Variants in LEMD3 observed in about 807,000 individuals in gnomAD.
LEMD3 encodes the protein LEM domain containing 3.
LEMD3 carries 33 observed loss-of-function variants against 95.2 expected under a neutral mutation model. That is an observed-to-expected ratio of 0.35 (90% CI 0.26 to 0.46). LEMD3 has a LOEUF of 0.46. Ranked by LOEUF, LEMD3 falls within the 20% of genes least tolerant of loss-of-function variation. The pLI is 1.00. For synonymous variants in LEMD3, 525 were observed against 474.6 expected, an observed-to-expected ratio of 1.11 and a Z score of -1.38; for missense variants, 1,210 against 1,192.8, an observed-to-expected ratio of 1.01 and a Z score of -0.21.
intron 1 of LEMD3, among the ~76,000 whole-genome samples, chr12:65,209,924 CTTAG>C (rs532932088): frequency 5.9e-5 from 9 of 151,968 alleles, no homozygotes; most frequent in Non-Finnish European, 7.4e-5. Flanking sequence ...ATCAGTTAGT[CTTAG>C]TTAGTCTTAG....
In LEMD3 at chr12:65,246,371, T is replaced by C. The variant is rs1041163455; in HGVS notation, c.*46T>C. 1.4e-6 allele frequency: 2 copies of C among 1,475,582 alleles called. No individual in the cohort carries two copies. Among genetic ancestry groups the C allele is most frequent in the Non-Finnish European group, 1.9e-6 (2 of 1,057,204 alleles). The allele number at this position is 1,475,582 out of a possible 1,614,324, so 91.4% of individuals were successfully genotyped here. ...AAGACTGTTATTTACAATAGGAAAA[T>C]TCCTGTTTGGCTTTTTGTCTTCCTT... On this transcript the variant is annotated 3_prime_UTR_variant, in exon 13 of 13. Coordinates refer to ENST00000308330, the MANE Select transcript of LEMD3 (RefSeq NM_014319.5).
chr12:65,203,387 T>A (rs544480789), intron 1 of LEMD3, among the ~76,000 whole-genome samples: 1 of 152,342 alleles, frequency 6.6e-6, no homozygotes, highest in African/African-American at 2.4e-5. Flanking sequence ...TTAAAGTGTC[T>A]CAAGATTTCT....
intron 1 of LEMD3, among the ~76,000 whole-genome samples, chr12:65,196,011 A>G (rs1869419812): frequency 6.6e-6 from 1 of 152,038 alleles, no homozygotes; most frequent in African/African-American, 2.4e-5. Context: ...TTCCTTTGGG[A>G]CAGAGAAAAT....
Position 65,217,321 on chromosome 12 carries a change from G to C in LEMD3, c.1628-1231G>C, listed in dbSNP as rs117925146. On this transcript the variant is annotated intron_variant, in intron 3 of 12. Transcript: ENST00000308330. ...AGTAAAACTTCATTTATAAAAACCA[G>C]AGTAGGCCAGATTTGACCCATGGGC... Among the ~76,000 whole-genome samples the C allele has an allele frequency of 1.9e-3, 292 of 152,296 alleles. 2 individuals are homozygous for C. Among genetic ancestry groups the C allele is most frequent in the Middle Eastern group, 0.014 (4 of 294 alleles).
rs994894114 is a variant in LEMD3 at position 65,247,022 on chromosome 12, G to A, written c.*697G>A. ...AATGTGTGTGTATATATGTATGTGT[G>A]TATGTGTGTGTATATATAGATGTAT... On this transcript the variant is annotated 3_prime_UTR_variant, in exon 13 of 13. Transcript: ENST00000308330. 8 of 152,932 alleles carry A rather than the reference G, an allele frequency of 5.2e-5. No homozygotes were observed. The South Asian group carries it at 1.0e-3, about 20-fold the overall frequency. 9.5% of individuals were successfully genotyped at this position (152,932 alleles called of 1,614,324 possible).
In LEMD3 at chr12:65,191,262, A is replaced by G. The variant is rs143970160; in HGVS notation, c.1523-19664A>G. Among the ~76,000 whole-genome samples the G allele has an allele frequency of 6.4e-4, 98 of 152,236 alleles. 1 individual carries two copies. Among genetic ancestry groups the G allele is most frequent in the Middle Eastern group, 6.8e-3 (2 of 294 alleles). The stretch of plus-strand genomic sequence containing the variant: ...GCAAAAGCTTTCAGGAAAGCATCAG[A>G]GTAAAAATTATCTCTGGATGACAGG... On this transcript the variant is annotated intron_variant, in intron 1 of 12. Transcript: ENST00000308330.
intron 4 of LEMD3, among the ~76,000 whole-genome samples, chr12:65,228,738 G>A (rs1565795940): frequency 6.6e-6 from 1 of 152,030 alleles, no homozygotes; most frequent in African/African-American, 2.4e-5. Flanking sequence ...ATATTTATGG[G>A]GTATAGTGTG....
intron 4 of LEMD3, among the ~76,000 whole-genome samples, chr12:65,220,293 A>T (rs1205987345): frequency 6.6e-6 from 1 of 152,206 alleles, no homozygotes; most frequent in Non-Finnish European, 1.5e-5. Flanking sequence ...ATTTATATAC[A>T]TATACATCTG....
chr12:65,181,311 T>C (rs1420748660), intron 1 of LEMD3, among the ~76,000 whole-genome samples: 2 of 152,184 alleles, frequency 1.3e-5, no homozygotes, highest in Non-Finnish European at 2.9e-5. Flanking sequence ...TACTCATTTA[T>C]TCATTCAGTC....
intron 2 of LEMD3, among the ~76,000 whole-genome samples, chr12:65,212,699 T>C (rs891727940): frequency 2.6e-5 from 4 of 152,142 alleles, no homozygotes; most frequent in Non-Finnish European, 5.9e-5. Flanking sequence ...TAAAACACAA[T>C]TAGAAAGTAG....
At chr12:65,201,998 C>T (rs1327676846) in intron 1 of LEMD3, among the ~76,000 whole-genome samples, 2 of 147,268 alleles carry the variant, frequency 1.4e-5, no homozygotes, top group African/African-American at 2.5e-5. Context: ...TTTTTTGATG[C>T]GTGGGTATTG....
chr12:65,170,849 C>A lies in LEMD3; in HGVS notation c.1253C>A (p.Ala418Asp), dbSNP rs1450624355. 1 of 1,614,238 alleles carries A rather than the reference C, an allele frequency of 6.2e-7. No homozygotes were observed. Among genetic ancestry groups the A allele is most frequent in the Admixed American group, 1.7e-5 (1 of 60,032 alleles). Residue 418 changes from alanine to aspartate, a missense_variant, in exon 1 of 13, where the codon GCC becomes GAC. Ala to Asp is a moderately radical substitution (Grantham distance 126, BLOSUM62 -2). Coordinates refer to ENST00000308330, the MANE Select transcript of LEMD3 (RefSeq NM_014319.5). The part of the protein sequence containing the change: ...NSLPPSAAVA[A>D]SSSLRINHAN... ...CTCCCTCCCAGTGCGGCGGTGGCCG[C>A]CTCTAGTTCACTCAGGATCAATCAC... is the stretch of plus-strand genomic sequence containing the variant.
chr12:65,235,280 A>G (rs535860991), intron 4 of LEMD3, among the ~76,000 whole-genome samples: 1 of 152,248 alleles, frequency 6.6e-6, no homozygotes, highest in East Asian at 1.9e-4. Context: ...TTTATATACA[A>G]AGTGATTTCT....
chr12:65,223,340 G>A (rs1230704945), intron 4 of LEMD3, among the ~76,000 whole-genome samples: 1 of 128,176 alleles, frequency 7.8e-6, no homozygotes, highest in East Asian at 2.3e-4. Flanking sequence ...GTCTAGGCCT[G>A]TCACCCACGC....
At chr12:65,228,187 G>T (rs915859750) in intron 4 of LEMD3, among the ~76,000 whole-genome samples, 1 of 152,058 alleles carries the variant, frequency 6.6e-6, no homozygotes, top group African/African-American at 2.4e-5. Flanking sequence ...AAAAAGAAGG[G>T]ACACAGATGC....
At chr12:65,176,473 A>T (rs994023612) in intron 1 of LEMD3, among the ~76,000 whole-genome samples, 4 of 152,052 alleles carry the variant, frequency 2.6e-5, no homozygotes, top group African/African-American at 9.7e-5. Context: ...CCATCTTTTT[A>T]CCCTAGAGTT....
intron 4 of LEMD3, among the ~76,000 whole-genome samples, chr12:65,232,055 C>G (rs556938347): frequency 6.6e-6 from 1 of 151,980 alleles, no homozygotes; most frequent in African/African-American, 2.4e-5. Context: ...GGAAATAATC[C>G]TAAAAAGGAA....
In LEMD3 at chr12:65,247,346, T is replaced by C. The variant is rs1480195647; in HGVS notation, c.*1021T>C. 6.6e-6 allele frequency: 1 copy of C among 152,586 alleles called. No individual in the cohort carries two copies. Among genetic ancestry groups the C allele is most frequent in the East Asian group, 1.9e-4 (1 of 5,192 alleles). The allele number at this position is 152,586 out of a possible 1,614,324, so 9.5% of individuals were successfully genotyped here. Reference sequence around the variant, plus strand: ...GGTTAAGTCATTTTCCCAATCTATTTATAATTTAATGATATGTTAGTGCCT... The same window carrying C: ...GGTTAAGTCATTTTCCCAATCTATTCATAATTTAATGATATGTTAGTGCCT... On this transcript the variant is annotated 3_prime_UTR_variant, in exon 13 of 13. Transcript: ENST00000308330.
intron 1 of LEMD3, among the ~76,000 whole-genome samples, chr12:65,203,403 A>AT (rs1869663603): frequency 2.0e-5 from 3 of 152,174 alleles, no homozygotes; most frequent in African/African-American, 7.2e-5. Context: ...TTTCTTTGTA[A>AT]GTCCATATGT....
Sources: gnomAD v4.1 joint callset for allele counts (sites outside exome capture counted in the v4.1 genomes callset) on GRCh38, gnomAD v4.1.1 for gene constraint, MANE v1.5 for transcripts, NCBI Gene and HGNC (gene_info 2026-07-23, HGNC 2026-07-21) for gene names.